Variants in COL4A4 observed in about 807,000 individuals in gnomAD.
COL4A4 encodes collagen type IV alpha 4 chain.
In COL4A4, 105 loss-of-function variants were observed where a neutral mutation model predicts 192.9. The observed-to-expected ratio is 0.54, with a 90% CI of 0.46 to 0.64. The LOEUF (loss-of-function observed/expected upper bound fraction) is 0.64. Ranked by LOEUF, COL4A4 falls within the 30% of genes least tolerant of loss-of-function variation. The probability of loss-of-function intolerance (pLI) is 0.00; values close to 1 mark genes in which losing one functional copy is unlikely to be tolerated. For missense variants in COL4A4, 1,967 were observed against 2,169.3 expected (o/e 0.91, Z 1.85); for synonymous variants, 762 against 769.9 (o/e 0.99, Z 0.17).
chr2:227,053,493 T>C (rs1355572019), intron 31 of COL4A4, among the ~76,000 whole-genome samples: 1 of 151,906 alleles, frequency 6.6e-6, no homozygotes, highest in Non-Finnish European at 1.5e-5. Flanking sequence ...ATTTAAACCA[T>C]TGGTCTCAAA....
Position 227,041,786 on chromosome 2 carries a change from G to GAA in COL4A4, c.3505+361_3505+362insTT, listed in dbSNP as rs1559476323. Among the ~76,000 whole-genome samples, 300 of 47,402 alleles carry GAA rather than the reference G, an allele frequency of 6.3e-3. 12 individuals are homozygous for GAA. Among genetic ancestry groups the GAA allele is most frequent in the East Asian group, 0.035 (30 of 848 alleles). 31.1% of individuals were successfully genotyped at this position (47,402 alleles called of 152,430 possible). A position where few individuals can be genotyped will look rare whatever the true frequency, so the allele number is the denominator to read the frequency against. On this transcript the variant is annotated intron_variant, in intron 37 of 47. Transcript: ENST00000396625. ...AGGAAGGAAGGAAGGAAGGAAGGAA[G>GAA]GGAAAGAAAGAAAGAAAGGAAGAAA... is the stretch of plus-strand genomic sequence containing the variant.
intron 44 of COL4A4, among the ~76,000 whole-genome samples, chr2:227,015,353 G>A (rs940909726): frequency 7.2e-5 from 11 of 152,142 alleles, no homozygotes; most frequent in Admixed American, 6.5e-5. Flanking sequence ...CAGCAGCAGC[G>A]GCAGCACCTG....
chr2:227,023,552 C>T (rs1448286372), intron 43 of COL4A4, among the ~76,000 whole-genome samples: 1 of 152,126 alleles, frequency 6.6e-6, no homozygotes, highest in Non-Finnish European at 1.5e-5. Flanking sequence ...AGTCATCCTG[C>T]AAACATCACA....
chr2:227,026,993 G>T (rs1330082471), intron 42 of COL4A4, among the ~76,000 whole-genome samples: 1 of 152,140 alleles, frequency 6.6e-6, no homozygotes, highest in Non-Finnish European at 1.5e-5. Flanking sequence ...AGTGGCTCAT[G>T]CCTGTAATCC....
chr2:226,993,588 A>C, the COL4A4 span, among the ~76,000 whole-genome samples: 1 of 152,204 alleles, frequency 6.6e-6, no homozygotes, highest in Non-Finnish European at 1.5e-5. Flanking sequence ...TACATATGGC[A>C]AAAACGTTTT....
intron 26 of COL4A4, among the ~76,000 whole-genome samples, chr2:227,061,998 G>C (rs1413209975): frequency 6.6e-6 from 1 of 152,132 alleles, no homozygotes; most frequent in Non-Finnish European, 1.5e-5. Flanking sequence ...CCAGCACTTT[G>C]GGAGGCCGAG....
the COL4A4 span, among the ~76,000 whole-genome samples, chr2:226,991,416 G>A: frequency 2.6e-5 from 4 of 152,158 alleles, no homozygotes; most frequent in East Asian, 1.9e-4. Flanking sequence ...TCCTGACCTC[G>A]TGAACCGCCC....
intron 28 of COL4A4, among the ~76,000 whole-genome samples, chr2:227,058,140 A>G (rs780922971): frequency 1.2e-4 from 18 of 152,188 alleles, no homozygotes; most frequent in Non-Finnish European, 2.5e-4. Flanking sequence ...AATCAGTGCA[A>G]ATTCAGTTGT....
Position 227,042,164 on chromosome 2 carries a change from A to G in COL4A4, c.3489T>C (p.Gly1163=), listed in dbSNP as rs1051967741. The G allele has an allele frequency of 5.0e-6, 8 of 1,606,828 alleles. No homozygotes were observed. Among genetic ancestry groups the G allele is most frequent in the Non-Finnish European group, 6.0e-6 (7 of 1,173,408 alleles). ...RGLQGDPGIP[G]PPGIKGPSGS... ...TTGACTTACCTTTTATTCCCGGAGG[A>G]CCTGGTATCCCTGGATCCCCCTGGA... The change falls in exon 37 of 48, where the codon GGT becomes GGC. Residue 1163 remains glycine, a synonymous_variant. Transcript: ENST00000396625.
At chr2:227,116,036 G>A (rs920568520) in intron 7 of COL4A4, among the ~76,000 whole-genome samples, 10 of 152,336 alleles carry the variant, frequency 6.6e-5, no homozygotes, top group South Asian at 4.1e-4. Flanking sequence ...CTGAGAGGAC[G>A]ACTACTGCCA....
intron 19 of COL4A4, among the ~76,000 whole-genome samples, chr2:227,095,726 C>A (rs777307716): frequency 6.6e-6 from 1 of 152,186 alleles, no homozygotes; most frequent in African/African-American, 2.4e-5. Context: ...GAAACCCCAT[C>A]TCTACTAAAA....
At chr2:227,097,415 T>G (rs1305372563) in intron 19 of COL4A4, among the ~76,000 whole-genome samples, 2 of 152,270 alleles carry the variant, frequency 1.3e-5, no homozygotes, top group African/African-American at 4.8e-5. Flanking sequence ...TAAATGTATA[T>G]GTTTTTCATA....
intron 37 of COL4A4, among the ~76,000 whole-genome samples, chr2:227,034,201 A>G (rs1969051053): frequency 6.6e-6 from 1 of 152,222 alleles, no homozygotes; most frequent in Admixed American, 6.5e-5. Flanking sequence ...GCCGTCCACC[A>G]GCCTGGCTTG....
chr2:227,158,194 T>C (rs190059199), intron 1 of COL4A4, among the ~76,000 whole-genome samples: 1 of 152,252 alleles, frequency 6.6e-6, no homozygotes, highest in African/African-American at 2.4e-5. Context: ...TGATGATCAA[T>C]TGATTTTTCA....
chr2:227,064,261 A>G (rs73995105), intron 25 of COL4A4, among the ~76,000 whole-genome samples: 2,288 of 152,326 alleles, frequency 0.015, 65 homozygotes, highest in African/African-American at 0.052. Flanking sequence ...ATACTGAGGG[A>G]ATTACAAAAT....
chr2:227,073,928 A>T (rs1013458496), intron 25 of COL4A4, among the ~76,000 whole-genome samples: 1 of 152,170 alleles, frequency 6.6e-6, no homozygotes, highest in African/African-American at 2.4e-5. Context: ...TAAATATAAG[A>T]CCTGAAACTA....
chr2:227,101,965 G>A (rs1201279156), intron 15 of COL4A4, 56 bp from the exon 16 acceptor site: 2 of 1,267,740 alleles, frequency 1.6e-6, no homozygotes, highest in Non-Finnish European at 2.3e-6. Context: ...GCATTAACCA[G>A]CTCAGTGCAT....
chr2:227,105,480 G>C (rs938533759), intron 12 of COL4A4, among the ~76,000 whole-genome samples: 4 of 152,086 alleles, frequency 2.6e-5, no homozygotes, highest in African/African-American at 9.7e-5. Context: ...AGAATGTACT[G>C]TGATGTATTA....
At chr2:227,136,826 C>T (rs764346846) in intron 4 of COL4A4, among the ~76,000 whole-genome samples, 21 of 152,204 alleles carry the variant, frequency 1.4e-4, no homozygotes, top group Non-Finnish European at 2.8e-4. Context: ...GCCCGCTATG[C>T]CACTTGAAGG....
Sources: allele counts gnomAD v4.1 joint callset (sites outside exome capture counted in the v4.1 genomes callset), GRCh38; gene constraint gnomAD v4.1.1; transcripts MANE v1.5; gene names NCBI Gene and HGNC (gene_info 2026-07-23, HGNC 2026-07-21).